Variants in FHIT observed in about 807,000 individuals in gnomAD.
The protein encoded by FHIT is bis(5'-adenosyl)-triphosphatase.
In FHIT, 19 loss-of-function variants were observed where a neutral mutation model predicts 17.9. The observed-to-expected ratio is 1.06, with a 90% CI of 0.74 to 1.56. The LOEUF is 1.56. Ranked by LOEUF, FHIT falls within the 40% of genes most tolerant of loss-of-function variation. FHIT has a pLI of 0.00. For missense variants in FHIT, 248 were observed against 189.2 expected, an observed-to-expected ratio of 1.31 and a Z score of -1.82; for synonymous variants, 81 against 69.7, an observed-to-expected ratio of 1.16 and a Z score of -0.81.
chr3:60,800,164 C>T (rs1485779333), intron 4 of FHIT, among the ~76,000 whole-genome samples: 1 of 152,146 alleles, frequency 6.6e-6, no homozygotes, highest in African/African-American at 2.4e-5. Context: ...ATTTCCTTCC[C>T]CCACTTCTCT....
chr3:60,846,832 T>G (rs1029630219), intron 3 of FHIT, among the ~76,000 whole-genome samples: 13 of 152,114 alleles, frequency 8.5e-5, no homozygotes, highest in South Asian at 2.1e-4. Context: ...CTTTCTTTTT[T>G]TTTTTCTTTG....
At chr3:60,603,261 A>G (rs1047139370) in intron 4 of FHIT, among the ~76,000 whole-genome samples, 18 of 152,210 alleles carry the variant, frequency 1.2e-4, no homozygotes, top group African/African-American at 4.3e-4. Context: ...TTAATGGTGA[A>G]AAAATACATA....
chr3:60,056,745 T>A (rs536206772), intron 5 of FHIT, among the ~76,000 whole-genome samples: 51 of 152,240 alleles, frequency 3.3e-4, no homozygotes, highest in African/African-American at 5.3e-4. Flanking sequence ...TTTATCAAAA[T>A]GAAAAAGGTT....
chr3:59,848,052 T>C (rs1014010672), intron 8 of FHIT, among the ~76,000 whole-genome samples: 12 of 152,174 alleles, frequency 7.9e-5, no homozygotes, highest in African/African-American at 2.4e-4. Flanking sequence ...ACCTCTGTGA[T>C]TGAAAACGGC....
intron 2 of FHIT, among the ~76,000 whole-genome samples, chr3:61,192,232 C>T (rs1027115263): frequency 1.3e-5 from 2 of 152,162 alleles, no homozygotes; most frequent in Non-Finnish European, 2.9e-5. Flanking sequence ...AAACTGCACC[C>T]CTCCCAGGAG....
At chr3:60,608,130 G>A (rs187169544) in intron 4 of FHIT, among the ~76,000 whole-genome samples, 35 of 152,158 alleles carry the variant, frequency 2.3e-4, no homozygotes, top group African/African-American at 6.7e-4. Flanking sequence ...ATCTTCCCTC[G>A]TCTGCTCACG....
chr3:59,851,843 T>G (rs539863299), intron 8 of FHIT, among the ~76,000 whole-genome samples: 1 of 152,318 alleles, frequency 6.6e-6, no homozygotes, highest in African/African-American at 2.4e-5. Context: ...TCTGACAACA[T>G]GAAAATCAGA....
At chr3:61,191,755 C>A (rs1373053129) in intron 2 of FHIT, among the ~76,000 whole-genome samples, 1 of 151,964 alleles carries the variant, frequency 6.6e-6, no homozygotes, top group Non-Finnish European at 1.5e-5. Flanking sequence ...CCAGAGACCC[C>A]ACACCCATGC....
intron 3 of FHIT, among the ~76,000 whole-genome samples, chr3:60,844,890 C>T (rs1702871248): frequency 1.3e-5 from 2 of 152,022 alleles, no homozygotes; most frequent in South Asian, 4.1e-4. Context: ...CCTATGACCC[C>T]CTGATCATTT....
At chr3:59,750,152 A>G (rs886849702) in intron 9 of FHIT, 12 of 226,844 alleles carry the variant, frequency 5.3e-5, no homozygotes, top group African/African-American at 2.4e-4. Context: ...GGCAAGACAG[A>G]AGCAAAAACT....
chr3:59,838,656 G>A (rs556715385), intron 8 of FHIT, among the ~76,000 whole-genome samples: 61 of 152,276 alleles, frequency 4.0e-4, no homozygotes, highest in African/African-American at 1.4e-3. Flanking sequence ...ATGAGCAAGC[G>A]GTGAGAGTTT....
intron 5 of FHIT, among the ~76,000 whole-genome samples, chr3:60,468,544 T>C (rs561404396): frequency 6.6e-6 from 1 of 152,092 alleles, no homozygotes; most frequent in Non-Finnish European, 1.5e-5. Context: ...ATGACAACAC[T>C]GATTGCATAA....
chr3:60,601,429 A>C (rs571721719), intron 4 of FHIT, among the ~76,000 whole-genome samples: 10 of 152,288 alleles, frequency 6.6e-5, no homozygotes, highest in Non-Finnish European at 1.2e-4. Flanking sequence ...ACATTCTGAA[A>C]ATCAGTCATC....
At chr3:59,757,407 G>A (rs1701273044) in intron 8 of FHIT, among the ~76,000 whole-genome samples, 2 of 152,208 alleles carry the variant, frequency 1.3e-5, no homozygotes, top group South Asian at 2.1e-4. Context: ...ATTTCTGACT[G>A]AAGAACTGAT....
rs1233002056 is a variant in FHIT at position 60,900,481 on chromosome 3, A to G, written c.-110-78470T>C. On this transcript the variant is annotated intron_variant, in intron 3 of 9. Coordinates refer to ENST00000492590, the MANE Select transcript of FHIT (RefSeq NM_002012.4). ...AGAAAAATCCTCAGTAATCAAGATA[A>G]TAATACTTCAGTGCAATCTTTTTAG... Among the ~76,000 whole-genome samples the G allele has an allele frequency of 3.3e-5, 5 of 152,160 alleles. No homozygotes were observed. In the East Asian group the frequency reaches 9.6e-4, roughly 29 times the overall value.
chr3:60,576,485 GC>G (rs1264516013), intron 4 of FHIT, among the ~76,000 whole-genome samples: 23 of 152,194 alleles, frequency 1.5e-4, no homozygotes, highest in African/African-American at 5.3e-4. Flanking sequence ...CAGTTTCTTT[GC>G]CCCGAGTCCT....
chr3:60,758,980 G>A (rs1012168010), intron 4 of FHIT, among the ~76,000 whole-genome samples: 5 of 152,120 alleles, frequency 3.3e-5, no homozygotes, highest in Non-Finnish European at 4.4e-5. Flanking sequence ...AGCAAGCTAC[G>A]GCGATGTCCA....
intron 8 of FHIT, among the ~76,000 whole-genome samples, chr3:59,767,150 G>A (rs566761462): frequency 3.3e-5 from 5 of 152,192 alleles, no homozygotes; most frequent in African/African-American, 7.2e-5. Flanking sequence ...TTCTGGACTC[G>A]ATCCTTCAGC....
intron 1 of FHIT, among the ~76,000 whole-genome samples, chr3:61,235,360 T>A (rs2040204218): frequency 1.3e-5 from 2 of 152,202 alleles, no homozygotes; most frequent in Middle Eastern, 3.4e-3. Context: ...ATAGAGTTGC[T>A]AAGAGGATGA....
Sources: gnomAD v4.1 joint callset for allele counts (sites outside exome capture counted in the v4.1 genomes callset) on GRCh38, gnomAD v4.1.1 for gene constraint, MANE v1.5 for transcripts, NCBI Gene and HGNC (gene_info 2026-07-23, HGNC 2026-07-21) for gene names.